Variants in MRTFB observed in about 807,000 individuals in gnomAD.
MRTFB encodes the protein myocardin related transcription factor B.
Under a neutral mutation model 104.2 loss-of-function variants are expected in MRTFB, and 29 were observed. The observed-to-expected ratio is 0.28, with a 90% CI of 0.21 to 0.38. The LOEUF (loss-of-function observed/expected upper bound fraction) is 0.38. Ranked by LOEUF, MRTFB falls within the 10% of genes least tolerant of loss-of-function variation. The probability of loss-of-function intolerance (pLI) is 1.00; values close to 1 mark genes in which losing one functional copy is unlikely to be tolerated. For missense variants in MRTFB, 1,270 were observed against 1,341.6 expected (o/e 0.95, Z 0.83); for synonymous variants, 535 against 519.5 (o/e 1.03, Z -0.41).
At chr16:14,230,810 G>A (rs1218895783) in intron 8 of MRTFB, among the ~76,000 whole-genome samples, 2 of 151,934 alleles carry the variant, frequency 1.3e-5, no homozygotes, top group African/African-American at 4.9e-5. Flanking sequence ...TATAAATCAT[G>A]CTGCTATAAA....
chr16:14,090,130 G>A (rs983557885), intron 2 of MRTFB, among the ~76,000 whole-genome samples: 10 of 152,234 alleles, frequency 6.6e-5, no homozygotes, highest in Non-Finnish European at 1.2e-4. Context: ...TCTGAAGCAA[G>A]TGGTGTTTTA....
chr16:14,065,848 T>C, the MRTFB span, among the ~76,000 whole-genome samples: 4 of 152,186 alleles, frequency 2.6e-5, no homozygotes, highest in Middle Eastern at 3.4e-3. Context: ...TCTAGAATGC[T>C]CTCCCCTCTC....
the MRTFB span, among the ~76,000 whole-genome samples, chr16:14,033,880 T>C: frequency 7.0e-6 from 1 of 142,200 alleles, no homozygotes; most frequent in African/African-American, 2.6e-5. Flanking sequence ...ATTTTAAACA[T>C]AGAAATAAAA....
At chr16:14,208,861 C>T (rs1156760130) in intron 3 of MRTFB, among the ~76,000 whole-genome samples, 4 of 152,070 alleles carry the variant, frequency 2.6e-5, no homozygotes, top group Non-Finnish European at 4.4e-5. Context: ...ATGTGCATAT[C>T]TTTTTTAAAG....
chr16:14,050,047 A>G, the MRTFB span, among the ~76,000 whole-genome samples: 1 of 152,198 alleles, frequency 6.6e-6, no homozygotes, highest in Non-Finnish European at 1.5e-5. Context: ...ATTAAAGATC[A>G]TGATATTGGC....
At chr16:14,195,260 T>G (rs1015077710) in intron 3 of MRTFB, among the ~76,000 whole-genome samples, 8 of 152,216 alleles carry the variant, frequency 5.3e-5, no homozygotes, top group African/African-American at 1.9e-4. Flanking sequence ...AACAATTGGC[T>G]TTTGTGCGTG....
chr16:14,052,225 T>C, the MRTFB span, among the ~76,000 whole-genome samples: 3 of 152,272 alleles, frequency 2.0e-5, no homozygotes, highest in East Asian at 5.8e-4. Flanking sequence ...GGAGGAGTCA[T>C]GGTGGCAGTG....
the MRTFB span, among the ~76,000 whole-genome samples, chr16:14,028,594 G>T: frequency 2.0e-5 from 3 of 152,150 alleles, no homozygotes; most frequent in African/African-American, 7.2e-5. Flanking sequence ...CCACAAGCCT[G>T]GGCTAAGAAC....
At chr16:14,248,092 T>C (rs1034153553) in intron 12 of MRTFB, 5 of 152,776 alleles carry the variant, frequency 3.3e-5, no homozygotes, top group African/African-American at 1.2e-4. Context: ...AAGGAAAACA[T>C]GACCACAAAT....
the MRTFB span, among the ~76,000 whole-genome samples, chr16:14,022,505 T>G: frequency 1.1e-3 from 170 of 152,326 alleles, 1 homozygote; most frequent in African/African-American, 3.7e-3. Context: ...CAAGTGATTC[T>G]CCTGCCTCAG....
chr16:14,213,700 C>A, intron 6 of MRTFB, 80 bp downstream of exon 6: 2 of 1,103,800 alleles, frequency 1.8e-6, no homozygotes, highest in Non-Finnish European at 2.6e-6. Context: ...TGTTTATTCC[C>A]ATTTTAATAA....
chr16:14,126,603 G>A (rs780348500), intron 2 of MRTFB, among the ~76,000 whole-genome samples: 62 of 152,142 alleles, frequency 4.1e-4, no homozygotes, highest in Non-Finnish European at 8.1e-4. Flanking sequence ...AACACTAATT[G>A]CTGACATTAT....
intron 2 of MRTFB, among the ~76,000 whole-genome samples, chr16:14,128,558 A>G (rs766934948): frequency 1.3e-5 from 2 of 152,182 alleles, no homozygotes; most frequent in Non-Finnish European, 2.9e-5. Flanking sequence ...AAGTGACCAA[A>G]AGCAAGCGGG....
chr16:14,167,891 G>A (rs748496279), intron 3 of MRTFB, among the ~76,000 whole-genome samples: 3 of 151,882 alleles, frequency 2.0e-5, no homozygotes, highest in Non-Finnish European at 4.4e-5. Flanking sequence ...GTTTCACCGT[G>A]TTAACCAGGA....
chr16:14,112,686 C>T (rs943105893), intron 2 of MRTFB, among the ~76,000 whole-genome samples: 2 of 152,206 alleles, frequency 1.3e-5, no homozygotes, highest in Admixed American at 6.5e-5. Flanking sequence ...GTTTCTGCTC[C>T]AGGCACTGGC....
At chr16:14,247,620 A>C in intron 12 of MRTFB, 113 bp downstream of exon 12, 1 of 899,640 alleles carries the variant, frequency 1.1e-6, no homozygotes, top group Non-Finnish European at 1.6e-6. Context: ...AGCAGACCCC[A>C]CGGAGAAAAC....
chr16:14,240,425 G>C lies in MRTFB; in HGVS notation c.1020G>C (p.Gln340His), dbSNP rs2042714277. 4.3e-6 allele frequency: 7 copies of C among 1,614,128 alleles called. No homozygotes were observed. The highest frequency in any genetic ancestry group is 4.0e-5 in the African/African-American group (3 of 74,956). Residue 340 changes from glutamine to histidine, a missense_variant, in exon 10 of 17, where the codon CAG (glutamine) becomes CAC (histidine). Transcript: ENST00000571589. ...AGCAGCAGCTGTTCCTGCAACTGCA[G>C]ATCCTGAGTCAGCAGAAGCAGCACT... ...LQQQQLFLQL[Q>H]ILSQQKQHYN...
chr16:14,161,284 T>G (rs1314213411), intron 3 of MRTFB, among the ~76,000 whole-genome samples: 2 of 152,080 alleles, frequency 1.3e-5, no homozygotes, highest in Non-Finnish European at 2.9e-5. Context: ...TTTAGACAGA[T>G]AGTCTGACCA....
At chr16:14,047,375 G>A in the MRTFB span, among the ~76,000 whole-genome samples, 1 of 152,216 alleles carries the variant, frequency 6.6e-6, no homozygotes. Context: ...AGAAAGGGAA[G>A]GGGCAGTCCC....
Sources: allele counts gnomAD v4.1 joint callset (sites outside exome capture counted in the v4.1 genomes callset), GRCh38; gene constraint gnomAD v4.1.1; transcripts MANE v1.5; gene names NCBI Gene and HGNC (gene_info 2026-07-23, HGNC 2026-07-21).